The following TLN2 variants were observed in gnomAD, a reference collection of about 807,000 sequenced individuals.
The protein encoded by TLN2 is talin-2.
Under a neutral mutation model 294.7 loss-of-function variants are expected in TLN2, and 118 were observed. The observed-to-expected ratio is 0.40, with a 90% CI of 0.34 to 0.47. TLN2 has a LOEUF of 0.47. Among genes scored for constraint, TLN2 ranks in the 20% least tolerant of loss-of-function variants. The pLI is 0.84. For synonymous variants in TLN2, 1,431 were observed against 1,304.5 expected, an observed-to-expected ratio of 1.10 and a Z score of -2.09; for missense variants, 3,083 against 3,282.2, an observed-to-expected ratio of 0.94 and a Z score of 1.48.
intron 1 of TLN2, among the ~76,000 whole-genome samples, chr15:62,495,956 A>C (rs916914893): frequency 2.6e-5 from 4 of 152,116 alleles, no homozygotes; most frequent in Non-Finnish European, 5.9e-5. Context: ...AAAAAAAAAA[A>C]AACAAAAACC....
At chr15:62,501,063 C>A (rs1184459640) in intron 1 of TLN2, among the ~76,000 whole-genome samples, 1 of 152,242 alleles carries the variant, frequency 6.6e-6, no homozygotes, top group African/African-American at 2.4e-5. Context: ...TAGAAATATT[C>A]TGCTTAAATG....
At position 62,678,672 on chromosome 15, in the gene TLN2, A is replaced by G. The variant is rs560742798; in HGVS notation, c.957+3351A>G. On this transcript the variant is annotated intron_variant, in intron 11 of 58. Transcript: ENST00000636159. ...ATAGTGAAACCCCATCTTTACTAAA[A>G]ATACGAAAGTTAGCTAGATGTGGTG... is the stretch of plus-strand genomic sequence containing the variant. 1.2e-4 allele frequency among the ~76,000 whole-genome samples: 18 copies of G among 152,310 alleles called. No individual in the cohort carries two copies. In the South Asian group the frequency reaches 3.3e-3, roughly 28 times the overall value.
At chr15:62,819,767 A>T in intron 53 of TLN2, 146 bp downstream of exon 53, 1 of 648,194 alleles carries the variant, frequency 1.5e-6, no homozygotes, top group South Asian at 2.0e-5. Context: ...CTGCAAGCAA[A>T]TGGGTTTAGA....
In TLN2 at chr15:62,797,187, C is replaced by T. The variant is rs776311898; in HGVS notation, c.6051-32C>T. 14 of 1,612,460 alleles carry T rather than the reference C, an allele frequency of 8.7e-6. No homozygotes were observed. In the East Asian group the frequency reaches 3.1e-4, roughly 36 times the overall value. ...TAATCAAGCTTTGCCCTCTGTCTCTCCCCCTCTCCCCTGCCCTCCTGGCTC... is the reference window on the plus strand; with the variant it reads ...TAATCAAGCTTTGCCCTCTGTCTCTTCCCCTCTCCCCTGCCCTCCTGGCTC... On this transcript the variant is annotated intron_variant, in intron 47 of 58. Transcript: ENST00000636159.
chr15:62,596,891 CTT>C (rs950689749), intron 2 of TLN2, among the ~76,000 whole-genome samples: 6 of 152,154 alleles, frequency 3.9e-5, no homozygotes. Flanking sequence ...AGAGCAACTA[CTT>C]TTTTTCCTGT....
intron 1 of TLN2, among the ~76,000 whole-genome samples, chr15:62,493,338 A>C (rs2038847379): frequency 1.3e-5 from 2 of 152,088 alleles, no homozygotes; most frequent in Admixed American, 1.3e-4. Flanking sequence ...TCTGGGCCTC[A>C]GTTTCCTCAC....
chr15:62,741,748 C>CGTGTGTGT (rs1555495658), intron 32 of TLN2, among the ~76,000 whole-genome samples: 2 of 131,072 alleles, frequency 1.5e-5, no homozygotes, highest in African/African-American at 5.8e-5. Flanking sequence ...AAAATTTGCG[C>CGTGTGTGT]GTGTGTGTGT....
At chr15:62,457,348 C>T (rs900280086) in intron 1 of TLN2, among the ~76,000 whole-genome samples, 5 of 152,206 alleles carry the variant, frequency 3.3e-5, no homozygotes, top group East Asian at 1.9e-4. Context: ...GCTCCACTGT[C>T]GTGACCTCAT....
At chr15:62,581,408 G>C (rs1042450398) in intron 1 of TLN2, among the ~76,000 whole-genome samples, 1 of 152,004 alleles carries the variant, frequency 6.6e-6, no homozygotes, top group Admixed American at 6.6e-5. Context: ...CTCTCATTCT[G>C]TTTTCCCAAA....
At chr15:62,398,704 C>G (rs1006361155) in intron 1 of TLN2, among the ~76,000 whole-genome samples, 16 of 152,182 alleles carry the variant, frequency 1.1e-4, no homozygotes, top group Non-Finnish European at 2.4e-4. Context: ...GCTTTTTGCC[C>G]ATGCCCTAGA....
chr15:62,719,983 C>T (rs1196226194), intron 25 of TLN2, 103 bp downstream of exon 25: 2 of 857,632 alleles, frequency 2.3e-6, no homozygotes, highest in South Asian at 2.5e-5. Context: ...TCAGCTAAGT[C>T]TTTGCGGTAG....
intron 42 of TLN2, among the ~76,000 whole-genome samples, chr15:62,774,704 G>A (rs564321432): frequency 6.6e-6 from 1 of 152,310 alleles, no homozygotes; most frequent in East Asian, 1.9e-4. Flanking sequence ...TGAGTGGATG[G>A]GGAGGTAATT....
intron 3 of TLN2, among the ~76,000 whole-genome samples, chr15:62,643,039 G>C (rs2051328080): frequency 6.6e-6 from 1 of 152,142 alleles, no homozygotes; most frequent in African/African-American, 2.4e-5. Context: ...GTAAGTCATA[G>C]TACTTGATTC....
chr15:62,731,446 G>A (rs993220562), intron 28 of TLN2, among the ~76,000 whole-genome samples: 1 of 152,058 alleles, frequency 6.6e-6, no homozygotes, highest in African/African-American at 2.4e-5. Flanking sequence ...TTCGCTTCTG[G>A]CAGGTGGATA....
chr15:62,800,358 T>C lies in TLN2; in HGVS notation c.6235-10T>C, dbSNP rs775323164. On this transcript the variant is annotated splice_polypyrimidine_tract_variant and intron_variant, in intron 48 of 58. Coordinates refer to ENST00000636159, the MANE Select transcript of TLN2 (RefSeq NM_015059.3). The stretch of plus-strand genomic sequence containing the variant: ...ACGCCTGCTCACCTGAGTTCTGTGC[T>C]CTCTTTCAGGTGGTTTTGATCAATG... 2 of 1,613,010 alleles carry C rather than the reference T, an allele frequency of 1.2e-6. No individual in the cohort carries two copies. Among genetic ancestry groups the C allele is most frequent in the East Asian group, 2.2e-5 (1 of 44,862 alleles).
In TLN2 at chr15:62,545,770, G is replaced by T. The variant is rs558704048; in HGVS notation, c.-237-43917G>T. The stretch of plus-strand genomic sequence containing the variant: ...AGAACTCGAGCCCATCCTGGCTGAG[G>T]TGTAGTGGCAGGGCCTTATTCTGAT... On this transcript the variant is annotated intron_variant, in intron 1 of 58. Transcript: ENST00000636159. Among the ~76,000 whole-genome samples, 39 of 152,292 alleles carry T rather than the reference G, an allele frequency of 2.6e-4. 1 individual carries two copies. The highest frequency in any genetic ancestry group is 1.0e-3 in the South Asian group (5 of 4,826).
At chr15:62,690,277 C>T (rs1376341109) in intron 12 of TLN2, 2 of 164,216 alleles carry the variant, frequency 1.2e-5, no homozygotes, top group East Asian at 1.8e-4. Flanking sequence ...GGCGGAGGGG[C>T]TCCTCACTTC....
intron 16 of TLN2, among the ~76,000 whole-genome samples, chr15:62,700,807 C>T (rs1165833155): frequency 6.6e-6 from 1 of 152,120 alleles, no homozygotes; most frequent in East Asian, 1.9e-4. Context: ...CATTCTTTTT[C>T]ACTTGAATTT....
At chr15:62,665,678 G>A (rs2054538804) in intron 9 of TLN2, among the ~76,000 whole-genome samples, 1 of 109,036 alleles carries the variant, frequency 9.2e-6, no homozygotes, top group Non-Finnish European at 2.0e-5. Flanking sequence ...AATTCACAGT[G>A]GACTTGGAAA....
Sources: allele counts gnomAD v4.1 joint callset (sites outside exome capture counted in the v4.1 genomes callset), GRCh38; gene constraint gnomAD v4.1.1; transcripts MANE v1.5; gene names NCBI Gene and HGNC (gene_info 2026-07-23, HGNC 2026-07-21).